DPY19L4: variants seen among roughly 807,000 people sequenced by gnomAD.
The protein encoded by DPY19L4 is dpy-19 like 4.
DPY19L4 carries 97 observed loss-of-function variants against 102.8 expected under a neutral mutation model. The observed-to-expected ratio is 0.94, with a 90% CI of 0.80 to 1.12. DPY19L4 has a LOEUF of 1.12. Among genes scored for constraint, DPY19L4 ranks in the 50% most tolerant of loss-of-function variants. The pLI is 0.00. For missense variants in DPY19L4, 815 were observed against 850.4 expected, an observed-to-expected ratio of 0.96 and a Z score of 0.52; for synonymous variants, 252 against 283.1, an observed-to-expected ratio of 0.89 and a Z score of 1.10.
At chr8:94,743,479 T>TA (rs906372836) in intron 6 of DPY19L4, among the ~76,000 whole-genome samples, 19,886 of 138,490 alleles carry the variant, frequency 0.14, 1,517 homozygotes, top group Non-Finnish European at 0.18. Flanking sequence ...CATCTCTACT[T>TA]AAAAAAAAAA....
At chr8:94,769,130 C>G (rs184265651) in intron 12 of DPY19L4, among the ~76,000 whole-genome samples, 1 of 143,392 alleles carries the variant, frequency 7.0e-6, no homozygotes. Flanking sequence ...GGCACGATCT[C>G]GGCTCACCAC....
At chr8:94,735,400 A>C (rs931221174) in intron 3 of DPY19L4, among the ~76,000 whole-genome samples, 1 of 152,220 alleles carries the variant, frequency 6.6e-6, no homozygotes, top group African/African-American at 2.4e-5. Context: ...TTTAATTAAC[A>C]CCATCAAGAC....
chr8:94,721,381 T>C (rs1810455877), intron 1 of DPY19L4, among the ~76,000 whole-genome samples: 1 of 152,260 alleles, frequency 6.6e-6, no homozygotes, highest in Admixed American at 6.5e-5. Context: ...GCTTGGTTCA[T>C]ATTTGTTTCC....
At position 94,762,035 on chromosome 8, in the gene DPY19L4, T is replaced by C. The variant is rs572036142; in HGVS notation, c.870+201T>C. 3.0e-4 allele frequency among the ~76,000 whole-genome samples: 45 copies of C among 152,340 alleles called. 1 individual carries two copies. The South Asian group carries it at 5.0e-3, about 17-fold the overall frequency. Reference sequence around the variant, plus strand: ...ATTAACTTGCTAAACGAAAGGGTGATATGAGCCTGAAAGTTTCATAGAGAT... The same window carrying C: ...ATTAACTTGCTAAACGAAAGGGTGACATGAGCCTGAAAGTTTCATAGAGAT... On this transcript the variant is annotated intron_variant, in intron 8 of 18. Transcript: ENST00000414645.
chr8:94,723,786 A>G (rs945191841), intron 1 of DPY19L4, among the ~76,000 whole-genome samples: 4 of 152,170 alleles, frequency 2.6e-5, no homozygotes, highest in Non-Finnish European at 5.9e-5. Flanking sequence ...TTTCCCCTTG[A>G]AAAACCTATT....
chr8:94,761,886 G>A (rs1213832088), intron 8 of DPY19L4, 52 bp downstream of exon 8: 1 of 1,541,006 alleles, frequency 6.5e-7, no homozygotes. Flanking sequence ...TGTATTTATA[G>A]CATTGTATCT....
chr8:94,780,021 C>G (rs1245894625), intron 14 of DPY19L4, among the ~76,000 whole-genome samples: 1 of 152,018 alleles, frequency 6.6e-6, no homozygotes, highest in East Asian at 1.9e-4. Context: ...TAGTAGTGTA[C>G]TATCCTTTGT....
chr8:94,744,299 T>C (rs1811574443), intron 6 of DPY19L4: 1 of 454,312 alleles, frequency 2.2e-6, no homozygotes. Context: ...TACTGGCTTT[T>C]GGCCAGGGAG....
chr8:94,729,404 C>T (rs1205710880), intron 2 of DPY19L4, among the ~76,000 whole-genome samples: 13 of 147,800 alleles, frequency 8.8e-5, no homozygotes, highest in Admixed American at 8.2e-4. Flanking sequence ...TAAACTTAGG[C>T]AATATAGTGA....
intron 6 of DPY19L4, among the ~76,000 whole-genome samples, chr8:94,740,932 C>T (rs1361649645): frequency 6.6e-6 from 1 of 152,184 alleles, no homozygotes; most frequent in African/African-American, 2.4e-5. Context: ...CATAGTGCAT[C>T]TGGTTGTTAT....
At chr8:94,760,199 T>C (rs1381957895) in intron 7 of DPY19L4, among the ~76,000 whole-genome samples, 1 of 152,222 alleles carries the variant, frequency 6.6e-6, no homozygotes, top group African/African-American at 2.4e-5. Flanking sequence ...ACCCTTGGAA[T>C]TAACAATTTG....
chr8:94,751,837 T>G (rs563768071), intron 6 of DPY19L4, among the ~76,000 whole-genome samples: 12 of 152,198 alleles, frequency 7.9e-5, no homozygotes, highest in African/African-American at 2.7e-4. Context: ...TCTAGAATTA[T>G]ATATTAATGG....
intron 12 of DPY19L4, among the ~76,000 whole-genome samples, chr8:94,769,994 TCTCTTGC>T (rs1194817428): frequency 6.6e-6 from 1 of 151,746 alleles, no homozygotes; most frequent in Non-Finnish European, 1.5e-5. Context: ...TTCAAGCGAT[TCTCTTGC>T]CTCAACCTCC....
chr8:94,783,042 C>A (rs1813501038), intron 16 of DPY19L4, among the ~76,000 whole-genome samples: 1 of 151,096 alleles, frequency 6.6e-6, no homozygotes, highest in South Asian at 2.1e-4. Context: ...ATCCCTGGCG[C>A]ATAGAGGTGG....
intron 7 of DPY19L4, among the ~76,000 whole-genome samples, chr8:94,758,735 A>ATTT (rs141349330): frequency 6.9e-6 from 1 of 145,446 alleles, no homozygotes; most frequent in African/African-American, 2.5e-5. Context: ...TATTTTAGCA[A>ATTT]TTTTTTTTTT....
At chr8:94,782,722 C>G (rs1056510047) in intron 16 of DPY19L4, among the ~76,000 whole-genome samples, 1 of 152,070 alleles carries the variant, frequency 6.6e-6, no homozygotes, top group African/African-American at 2.4e-5. Flanking sequence ...ATTATAATGT[C>G]TTGTTACTAT....
At chr8:94,776,721 T>G (rs954757965) in intron 13 of DPY19L4, among the ~76,000 whole-genome samples, 27 of 151,782 alleles carry the variant, frequency 1.8e-4, no homozygotes, top group African/African-American at 6.0e-4. Context: ...TCTCAGCACT[T>G]TGGGAGGCCA....
chr8:94,757,050 A>G (rs1258974452), intron 7 of DPY19L4, among the ~76,000 whole-genome samples: 1 of 152,148 alleles, frequency 6.6e-6, no homozygotes, highest in Non-Finnish European at 1.5e-5. Flanking sequence ...ATGATTTAAA[A>G]TACATAAAAT....
chr8:94,735,981 T>A (rs1012593035), intron 3 of DPY19L4, among the ~76,000 whole-genome samples: 2 of 152,210 alleles, frequency 1.3e-5, no homozygotes, highest in African/African-American at 4.8e-5. Context: ...TACCATAAGC[T>A]TATAAACAAC....
Sources: allele counts gnomAD v4.1 joint callset (sites outside exome capture counted in the v4.1 genomes callset), GRCh38; gene constraint gnomAD v4.1.1; transcripts MANE v1.5; gene names NCBI Gene and HGNC (gene_info 2026-07-23, HGNC 2026-07-21).